Variants in CCDC171 observed in about 807,000 individuals in gnomAD.
CCDC171 encodes the protein coiled-coil domain-containing protein 171.
Under a neutral mutation model 168.2 loss-of-function variants are expected in CCDC171, and 177 were observed. That is an observed-to-expected ratio of 1.05 (90% CI 0.93 to 1.19). The LOEUF (loss-of-function observed/expected upper bound fraction) is 1.19. Among genes scored for constraint, CCDC171 ranks in the 50% most tolerant of loss-of-function variants. CCDC171 has a pLI of 0.00. For missense variants in CCDC171, 1,991 were observed against 1,539.0 expected, an observed-to-expected ratio of 1.29 and a Z score of -4.91; for synonymous variants, 687 against 540.8, an observed-to-expected ratio of 1.27 and a Z score of -3.75.
rs566933582 is a variant in CCDC171, at chr9:15,616,094, G to C, written c.676-7173G>C. 7.2e-5 allele frequency among the ~76,000 whole-genome samples: 11 copies of C among 152,266 alleles called. No individual in the cohort carries two copies. In the South Asian group the frequency reaches 2.3e-3, roughly 32 times the overall value. On this transcript the variant is annotated intron_variant, in intron 6 of 25. Transcript: ENST00000380701. ...GCCTCCCGAATAGCTGGGATTACAGGTGTGTGCCACCACACCTGGCTAATT... is the reference window on the plus strand; with the variant it reads ...GCCTCCCGAATAGCTGGGATTACAGCTGTGTGCCACCACACCTGGCTAATT...
At chr9:15,875,866 T>G (rs1817769816) in intron 24 of CCDC171, 1 of 152,068 alleles carries the variant, frequency 6.6e-6, no homozygotes, top group Non-Finnish European at 1.5e-5. Flanking sequence ...TCTTCTCTGT[T>G]ATAGGGTAGA....
At chr9:16,085,652 T>G in the CCDC171 span, among the ~76,000 whole-genome samples, 85 of 152,346 alleles carry the variant, frequency 5.6e-4, no homozygotes, top group Non-Finnish European at 9.7e-4. Context: ...GGTCCTCCCC[T>G]GTGATGCAGA....
At chr9:15,650,150 C>T (rs551163476) in intron 7 of CCDC171, among the ~76,000 whole-genome samples, 2 of 152,054 alleles carry the variant, frequency 1.3e-5, no homozygotes, top group Non-Finnish European at 2.9e-5. Flanking sequence ...ATTGCAAGGA[C>T]AAAAAACCAA....
rs770642281 is a variant in CCDC171 at position 15,594,170 on chromosome 9, C to T, written c.673C>T (p.Gln225Ter). The change falls in exon 6 of 26, where the codon CAG becomes TAG. Residue 225 changes from glutamine to a stop codon, truncating the protein, a stop_gained and splice_region_variant. Transcript: ENST00000380701. LOFTEE classifies it high-confidence loss of function. ...AERRELQFIVQEQDTAVQNMH... is the reference protein window; with the variant it reads ...AERRELQFIV ...AAGAAGAGAATTACAATTTATAGTA[C>T]AGGTATTTTAAAAATAATCAGTTCC... 3 of 1,371,116 alleles carry T rather than the reference C, an allele frequency of 2.2e-6. No individual in the cohort carries two copies. The Admixed American group carries it at 6.2e-5, about 28-fold the overall frequency. The allele number at this position is 1,371,116 out of a possible 1,614,324, so 84.9% of individuals were successfully genotyped here.
intron 24 of CCDC171, chr9:15,886,638 CG>C (rs1171075764): frequency 6.6e-6 from 1 of 151,910 alleles, no homozygotes; most frequent in African/African-American, 2.4e-5. Flanking sequence ...GAAATGAAAC[CG>C]TTGTCTTGAA....
intron 23 of CCDC171, among the ~76,000 whole-genome samples, chr9:15,854,016 T>A (rs2130858300): frequency 6.6e-6 from 1 of 151,210 alleles, no homozygotes; most frequent in Admixed American, 6.6e-5. Flanking sequence ...TTTTTTTTTT[T>A]TTTTGAGGGT....
chr9:15,829,746 C>T (rs1213080873), intron 21 of CCDC171, among the ~76,000 whole-genome samples: 3 of 151,970 alleles, frequency 2.0e-5, no homozygotes, highest in African/African-American at 7.3e-5. Context: ...ATGGCAAATC[C>T]CCATCTCTAC....
chr9:15,609,434 A>T (rs2043489260), intron 6 of CCDC171, among the ~76,000 whole-genome samples: 1 of 152,106 alleles, frequency 6.6e-6, no homozygotes, highest in South Asian at 2.1e-4. Flanking sequence ...ATGTAGTTGA[A>T]TTTATCAGTA....
chr9:15,657,169 G>A lies in CCDC171; in HGVS notation c.865G>A (p.Ala289Thr). ...RVRKLEENIEAERAAHLESKF... is the reference protein window; with the variant it reads ...RVRKLEENIETERAAHLESKF... ...GAGGAAATTAGAAGAAAACATTGAA[G>A]CAGAAAGAGCAGCGCATTTGGAATC... Residue 289 changes from alanine to threonine, a missense_variant, in exon 8 of 26, where the codon GCA becomes ACA. Coordinates refer to ENST00000380701, the MANE Select transcript of CCDC171 (RefSeq NM_173550.4). 1 of 1,611,106 alleles carries A rather than the reference G, an allele frequency of 6.2e-7. No individual in the cohort carries two copies. The highest frequency in any genetic ancestry group is 8.5e-7 in the Non-Finnish European group (1 of 1,178,214).
chr9:15,693,348 T>G (rs1463036606), intron 10 of CCDC171, among the ~76,000 whole-genome samples: 1 of 152,110 alleles, frequency 6.6e-6, no homozygotes, highest in Non-Finnish European at 1.5e-5. Context: ...CCTCCTAAAG[T>G]CTGTGTGGAT....
At chr9:15,623,806 G>A (rs1041941465) in intron 7 of CCDC171, among the ~76,000 whole-genome samples, 1 of 152,142 alleles carries the variant, frequency 6.6e-6, no homozygotes, top group Non-Finnish European at 1.5e-5. Context: ...TTTTAATTTT[G>A]TAGTTTGAAT....
At chr9:15,876,950 GA>G (rs1337720747) in intron 24 of CCDC171, among the ~76,000 whole-genome samples, 1 of 152,112 alleles carries the variant, frequency 6.6e-6, no homozygotes, top group Non-Finnish European at 1.5e-5. Flanking sequence ...GTCATTTACA[GA>G]AGTAGGAGCT....
At chr9:16,078,574 C>G in the CCDC171 span, among the ~76,000 whole-genome samples, 1 of 152,146 alleles carries the variant, frequency 6.6e-6, no homozygotes, top group Non-Finnish European at 1.5e-5. Flanking sequence ...TGACAGATAC[C>G]AGGGGTCAAT....
At chr9:15,595,513 G>T (rs867968276) in intron 6 of CCDC171, among the ~76,000 whole-genome samples, 1 of 152,146 alleles carries the variant, frequency 6.6e-6, no homozygotes. Context: ...ATTCCATGGT[G>T]TATATGTGCT....
chr9:15,701,871 T>C (rs769696041), intron 11 of CCDC171, among the ~76,000 whole-genome samples: 1 of 152,226 alleles, frequency 6.6e-6, no homozygotes, highest in African/African-American at 2.4e-5. Context: ...CAAGTGTTTC[T>C]AATGGCACCT....
At chr9:15,635,674 A>G (rs775622064) in intron 7 of CCDC171, among the ~76,000 whole-genome samples, 12 of 152,156 alleles carry the variant, frequency 7.9e-5, no homozygotes, top group Admixed American at 3.3e-4. Context: ...CTTTAATCCA[A>G]TCAAGTTGAC....
chr9:15,902,245 CATATATAT>C (rs944291659), intron 24 of CCDC171, among the ~76,000 whole-genome samples: 5 of 107,494 alleles, frequency 4.7e-5, no homozygotes, highest in East Asian at 2.3e-4. Flanking sequence ...CTATAAAATT[CATATATAT>C]ATATATATGT....
chr9:15,971,090 A>G (rs1831317932), intron 25 of CCDC171, among the ~76,000 whole-genome samples: 1 of 152,168 alleles, frequency 6.6e-6, no homozygotes, highest in Non-Finnish European at 1.5e-5. Flanking sequence ...GTATCTTAGT[A>G]TGCCATTTTC....
At chr9:15,749,207 G>C (rs931687917) in intron 18 of CCDC171, among the ~76,000 whole-genome samples, 1 of 150,778 alleles carries the variant, frequency 6.6e-6, no homozygotes, top group East Asian at 1.9e-4. Context: ...AACCAACAAA[G>C]ATCGAAAGAG....
Sources: allele counts gnomAD v4.1 joint callset (sites outside exome capture counted in the v4.1 genomes callset), GRCh38; gene constraint gnomAD v4.1.1; transcripts MANE v1.5; gene names NCBI Gene and HGNC (gene_info 2026-07-23, HGNC 2026-07-21).